MEN1: variants seen among roughly 807,000 people sequenced by gnomAD.
The protein encoded by MEN1 is menin 1, also known as menin.
A neutral mutation model predicts 58.0 loss-of-function variants in MEN1; 6 were observed. That is an observed-to-expected ratio of 0.10 (90% CI 0.06 to 0.20). MEN1 has a LOEUF of 0.20. MEN1 is among the 10% of genes least tolerant of loss of function. The pLI, the probability that MEN1 is intolerant of heterozygous loss-of-function variation, is 1.00. For synonymous variants in MEN1, 346 were observed against 350.7 expected, an observed-to-expected ratio of 0.99 and a Z score of 0.15; for missense variants, 492 against 818.5, an observed-to-expected ratio of 0.60 and a Z score of 4.87.
At chr11:64,809,516 C>T in intron 2 of MEN1, 149 bp downstream of exon 2, 1 of 983,762 alleles carries the variant, frequency 1.0e-6, no homozygotes, top group Non-Finnish European at 1.5e-6. Context: ...ATCATTTCCC[C>T]TCTCTGGGCT....
At position 64,807,992 on chromosome 11, in the gene MEN1, C is replaced by T. The variant is rs1265797059; in HGVS notation, c.553G>A (p.Val185Met). The T allele has an allele frequency of 6.2e-7, 1 of 1,614,084 alleles. No individual in the cohort carries two copies. Among genetic ancestry groups the T allele is most frequent in the African/African-American group, 1.3e-5 (1 of 74,936 alleles). ...GTCTGCTCCCCATTGGGCCCAAACA[C>T]TACCCAGGCATGATCCTCAGACAGG... is the stretch of plus-strand genomic sequence containing the variant. ...LALSEDHAWV[V>M]FGPNGEQTAE... The change falls in exon 3 of 10, where the codon GTG becomes ATG. Residue 185 changes from valine to methionine, a missense_variant. Physicochemically the swap from Val to Met is conservative, Grantham distance 21. This residue lies in a region of MEN1 where 335 missense variants were observed against 550.3 expected (regional missense o/e 0.61). Coordinates refer to ENST00000450708, the MANE Select transcript of MEN1 (RefSeq NM_001370259.2). The surrounding 1 kb of genome is among the most constrained non-coding windows in gnomAD (Gnocchi z 4.9).
rs1565651402 is a variant in MEN1 at position 64,809,767 on chromosome 11, G to C, written c.343C>G (p.Arg115Gly). The C allele has an allele frequency of 6.2e-7, 1 of 1,614,100 alleles. No homozygotes were observed. Among genetic ancestry groups the C allele is most frequent in the Non-Finnish European group, 8.5e-7 (1 of 1,180,012 alleles). ...LYPREGGVSS[R>G]ELVKKVSDVI... is the part of the protein sequence containing the mutation. ...TCGGAGACCTTCTTCACCAGCTCAC[G>C]GCTGGAGACACCCCCTTCTCGAGGA... Residue 115 changes from arginine to glycine, a missense_variant, in exon 2 of 10, where the codon CGT (arginine) becomes GGT (glycine). Physicochemically the swap from Arg to Gly is moderately radical, Grantham distance 125. Transcript: ENST00000450708.
rs1555165846 is a variant in MEN1, at chr11:64,808,043, G to A, written c.502C>T (p.Leu168=). 1 of 1,614,060 alleles carries A rather than the reference G, an allele frequency of 6.2e-7. No individual in the cohort carries two copies. ...AFAVVGACQA[L]GLRDVHLALS... ...GCGAGGTGGACATCCCGGAGACCCAGGGCCTGGCAGGCCCCAACCACAGCA... is the reference window on the plus strand; with the variant it reads ...GCGAGGTGGACATCCCGGAGACCCAAGGCCTGGCAGGCCCCAACCACAGCA... The change falls in exon 3 of 10, where the codon CTG becomes TTG. Residue 168 remains leucine, a synonymous_variant. Coordinates refer to ENST00000450708, the MANE Select transcript of MEN1 (RefSeq NM_001370259.2).
intron 8 of MEN1, 90 bp from the exon 9 acceptor site, chr11:64,805,288 C>T: frequency 6.9e-7 from 1 of 1,453,490 alleles, no homozygotes; most frequent in Non-Finnish European, 9.4e-7. Context: ...AGGCAAAGAC[C>T]CCTGGCTCCA....
chr11:64,804,945 G>A lies in MEN1; in HGVS notation c.1350+89C>T, dbSNP rs938500157. On this transcript the variant is annotated intron_variant, in intron 9 of 9. Transcript: ENST00000450708. The surrounding 1 kb of genome is among the most constrained non-coding windows in gnomAD (Gnocchi z 4.2). ...CCATCGGCACCCAAGGGGATGGGCA[G>A]ATGCTGCCCCTGGGCCAGAAAAGTC... is the stretch of plus-strand genomic sequence containing the variant. 5.6e-6 allele frequency: 9 copies of A among 1,599,584 alleles called. No homozygotes were observed. Among genetic ancestry groups the A allele is most frequent in the Non-Finnish European group, 7.6e-6 (9 of 1,178,704 alleles).
rs772574620 is a variant in MEN1, at chr11:64,806,246, G to A, written c.1035C>T (p.Ala345=). 6.2e-7 allele frequency: 1 copy of A among 1,614,150 alleles called. No individual in the cohort carries two copies. The highest frequency in any genetic ancestry group is 8.5e-7 in the Non-Finnish European group (1 of 1,180,002). Residue 345 remains alanine, a synonymous_variant, in exon 7 of 10, where the codon GCC becomes GCT. Transcript: ENST00000450708. ...REALQAWADT[A]TVIQDYNYCR... ...GGGATCCTCACTCCTGGATGACAGT[G>A]GCCGTGTCCGCCCAGGCCTGCAGGG...
chr11:64,807,617 C>T lies in MEN1; in HGVS notation c.718G>A (p.Val240Met), dbSNP rs868087064. Residue 240 changes from valine (V) to methionine (M), a missense_variant, in exon 4 of 10, where the codon GTG (valine) becomes ATG (methionine). Coordinates refer to ENST00000450708, the MANE Select transcript of MEN1 (RefSeq NM_001370259.2). This position sits in a 1 kb window ranked among gnomAD's most constrained non-coding sequence, Gnocchi z 4.9. ...CDRKMEVAFM[V>M]CAINPSIDLH... is the part of the protein sequence containing the mutation. Reference sequence around the variant, plus strand: ...TCAATGGAAGGGTTGATGGCACACACCATGAACGCCACCTCCATCTTGCGG... The same window carrying T: ...TCAATGGAAGGGTTGATGGCACACATCATGAACGCCACCTCCATCTTGCGG... 6.2e-7 allele frequency: 1 copy of T among 1,614,212 alleles called. No homozygotes were observed. Among genetic ancestry groups the T allele is most frequent in the East Asian group, 2.2e-5 (1 of 44,882 alleles).
At position 64,805,564 on chromosome 11, in the gene MEN1, C is replaced by T. The variant is rs533574999; in HGVS notation, c.1185+71G>A. The T allele has an allele frequency of 8.9e-6, 14 of 1,581,644 alleles. No individual in the cohort carries two copies. The East Asian group carries it at 1.8e-4, about 20-fold the overall frequency. On this transcript the variant is annotated intron_variant, in intron 8 of 9. Coordinates refer to ENST00000450708, the MANE Select transcript of MEN1 (RefSeq NM_001370259.2). ...CCATCCCTAATCCCGTACATGCAGC[C>T]CCCATGGCCTGTGGAAGGGAGCCCT... is the stretch of plus-strand genomic sequence containing the variant.
rs1299138529 is a variant in MEN1, at chr11:64,804,508, G to T, written c.1659C>A (p.Phe553Leu). The T allele has an allele frequency of 6.2e-7, 1 of 1,613,968 alleles. No individual in the cohort carries two copies. The highest frequency in any genetic ancestry group is 8.5e-7 in the Non-Finnish European group (1 of 1,179,982). ...SPPPEGPVLT[F>L]QSEKMKGMKE... ...TCATGCCCTTCATCTTCTCACTCTG[G>T]AAAGTGAGCACTGGACCCTCCGGCG... The change falls in exon 10 of 10, where the codon TTC becomes TTA. Residue 553 changes from phenylalanine to leucine, a missense_variant. By Grantham distance (22) the Phe-to-Leu change is conservative (BLOSUM62 0). This residue lies in a region of MEN1 where 24 missense variants were observed against 72.4 expected (regional missense o/e 0.33). Coordinates refer to ENST00000450708, the MANE Select transcript of MEN1 (RefSeq NM_001370259.2). This position sits in a 1 kb window ranked among gnomAD's most constrained non-coding sequence, Gnocchi z 4.2.
chr11:64,810,854 G>C (rs766983618), upstream of MEN1: 1 of 152,232 alleles, frequency 6.6e-6, no homozygotes, highest in Non-Finnish European at 1.5e-5. Flanking sequence ...AGCTTCTGCC[G>C]GTTTTGCTGT....
At chr11:64,808,205 G>A in intron 2 of MEN1, 106 bp from the exon 3 acceptor site, 2 of 1,082,588 alleles carry the variant, frequency 1.8e-6, no homozygotes, top group Non-Finnish European at 1.4e-6. Context: ...TTCCAAGCCT[G>A]TGACCCAACC....
chr11:64,806,076 TCCC>T, intron 7 of MEN1, 153 bp downstream of exon 7: 1 of 932,002 alleles, frequency 1.1e-6, no homozygotes, highest in Non-Finnish European at 1.6e-6. Flanking sequence ...TTAATCAGGG[TCCC>T]TACCTCCTGG....
Position 64,805,088 on chromosome 11 carries a change from C to T in MEN1, c.1296G>A (p.Leu432=), listed in dbSNP as rs138770431. Residue 432 remains leucine, a synonymous_variant, in exon 9 of 10, where the codon CTG becomes CTA. Coordinates refer to ENST00000450708, the MANE Select transcript of MEN1 (RefSeq NM_001370259.2). The part of the protein sequence containing the change: ...KWEEGSPTPV[L]HVGWATFLVQ... ...CAAGAAAGGTGGCCCAGCCCACATG[C>T]AGCACAGGCGTGGGACTGCCCTCCT... The T allele has an allele frequency of 1.5e-3, 2,341 of 1,614,160 alleles. 5 individuals are homozygous for T. Among genetic ancestry groups the T allele is most frequent in the Middle Eastern group, 4.6e-3 (28 of 6,054 alleles).
chr11:64,805,370 C>T (rs756597841), intron 8 of MEN1, among the ~76,000 whole-genome samples, 172 bp from the exon 9 acceptor site: 1 of 152,190 alleles, frequency 6.6e-6, no homozygotes, highest in Non-Finnish European at 1.5e-5. Context: ...ATAGCCAGGA[C>T]GTACCATCCC....
intron 2 of MEN1, among the ~76,000 whole-genome samples, chr11:64,809,396 T>C (rs1003373774): frequency 6.6e-6 from 1 of 152,110 alleles, no homozygotes; most frequent in African/African-American, 2.4e-5. Context: ...CCTGTAGCTG[T>C]TCAGTGGCAA....
intron 2 of MEN1, 103 bp from the exon 3 acceptor site, chr11:64,808,202 C>T: frequency 1.8e-6 from 2 of 1,116,640 alleles, no homozygotes; most frequent in South Asian, 1.4e-5. Context: ...CCTTTCCAAG[C>T]CTGTGACCCA....
intron 2 of MEN1, 59 bp downstream of exon 2, chr11:64,809,606 C>T: frequency 1.2e-6 from 2 of 1,600,326 alleles, no homozygotes; most frequent in Non-Finnish European, 1.7e-6. Context: ...GTTCTGTAAA[C>T]CATGGAGGGT....
intron 8 of MEN1, 137 bp from the exon 9 acceptor site, chr11:64,805,335 C>G: frequency 9.5e-7 from 1 of 1,056,186 alleles, no homozygotes; most frequent in East Asian, 2.6e-5. Flanking sequence ...TTCTTAGAAC[C>G]TCTTTCCTTT....
In MEN1 at chr11:64,807,436, C is replaced by A. The variant is rs952077273; in HGVS notation, c.783+116G>T. 18 of 1,196,780 alleles carry A rather than the reference C, an allele frequency of 1.5e-5. No homozygotes were observed. Among genetic ancestry groups the A allele is most frequent in the Non-Finnish European group, 2.2e-5 (18 of 825,414 alleles). 74.1% of individuals were successfully genotyped at this position (1,196,780 alleles called of 1,614,324 possible). ...GAAAGGCCAGGCCAGGAATTACTAACCCATTTTTCCAGGAGGGGAAGCTGA... is the reference window on the plus strand; with the variant it reads ...GAAAGGCCAGGCCAGGAATTACTAAACCATTTTTCCAGGAGGGGAAGCTGA... On this transcript the variant is annotated intron_variant, in intron 4 of 9. Coordinates refer to ENST00000450708, the MANE Select transcript of MEN1 (RefSeq NM_001370259.2). This position sits in a 1 kb window ranked among gnomAD's most constrained non-coding sequence, Gnocchi z 4.9.
Sources: gnomAD v4.1 joint callset for allele counts (sites outside exome capture counted in the v4.1 genomes callset) on GRCh38, gnomAD v4.1.1 for gene constraint, gnomAD v4.1.1 regional missense constraint, Gnocchi (gnomAD v3.1) non-coding constraint, MANE v1.5 for transcripts, NCBI Gene and HGNC (gene_info 2026-07-23, HGNC 2026-07-21) for gene names.